The following VMA12 variants were observed in gnomAD, a reference collection of about 807,000 sequenced individuals.
The protein encoded by VMA12 is vacuolar ATPase assembly factor VMA12.
the VMA12 span, chr17:28,360,909 C>T: frequency 9.9e-6 from 14 of 1,420,980 alleles, no homozygotes; most frequent in Middle Eastern, 2.3e-4. Flanking sequence ...TAAGGGAGGA[C>T]GTATGTGAAA....
At chr17:28,360,367 C>T in the VMA12 span, 43 of 644,474 alleles carry the variant, frequency 6.7e-5, 1 homozygote, top group East Asian at 9.5e-4. Flanking sequence ...TCCGAAATGC[C>T]TGCTCTGTAG....
At chr17:28,361,713 A>C in the VMA12 span, 2 of 156,158 alleles carry the variant, frequency 1.3e-5, no homozygotes, top group African/African-American at 4.8e-5. Flanking sequence ...GAAAACAGAA[A>C]GGATCCCCTT....
the VMA12 span, chr17:28,361,043 C>T: frequency 0.023 from 24,796 of 1,072,860 alleles, 397 homozygotes; most frequent in Non-Finnish European, 0.029. Context: ...CTCTTTTCTT[C>T]CCCTCCCCCA....
chr17:28,358,683 A>T, the VMA12 span, among the ~76,000 whole-genome samples: 1 of 152,268 alleles, frequency 6.6e-6, no homozygotes, highest in South Asian at 2.1e-4. Flanking sequence ...CTTGTTAGTT[A>T]TAACACTGGC....
the VMA12 span, chr17:28,357,876 A>C: frequency 1.2e-6 from 2 of 1,613,866 alleles, no homozygotes; most frequent in Non-Finnish European, 1.7e-6. Flanking sequence ...CATCTGAGAG[A>C]AAGGGGTGAG....
chr17:28,358,884 A>G, the VMA12 span: 1 of 1,583,070 alleles, frequency 6.3e-7, no homozygotes, highest in Non-Finnish European at 8.6e-7. Flanking sequence ...CAGCTCGTGG[A>G]TCATTGTGTT....
chr17:28,359,626 C>G, the VMA12 span: 1 of 264,414 alleles, frequency 3.8e-6, no homozygotes, highest in Non-Finnish European at 6.2e-6. Flanking sequence ...TGGGAGTTAG[C>G]CGGGCACGGC....
the VMA12 span, chr17:28,360,440 T>G: frequency 8.8e-7 from 1 of 1,139,026 alleles, no homozygotes; most frequent in East Asian, 2.5e-5. Flanking sequence ...AGTTAATATG[T>G]TGGGGAATAG....
chr17:28,358,364 C>G, the VMA12 span: 1 of 470,886 alleles, frequency 2.1e-6, no homozygotes, highest in Non-Finnish European at 4.4e-6. Context: ...CATGTGAGTT[C>G]CAGTCCTAGC....
At chr17:28,357,684 T>G in the VMA12 span, 3 of 1,612,536 alleles carry the variant, frequency 1.9e-6, no homozygotes, top group South Asian at 3.3e-5. Flanking sequence ...GCGTCCTCTT[T>G]GCTTGCGGGC....
the VMA12 span, chr17:28,357,898 A>C: frequency 1.2e-6 from 2 of 1,613,144 alleles, no homozygotes; most frequent in African/African-American, 2.7e-5. Context: ...CCCAGTCTCC[A>C]GTCCGGGGTC....
chr17:28,360,911 T>A, the VMA12 span: 1 of 1,369,618 alleles, frequency 7.3e-7, no homozygotes. Flanking sequence ...AGGGAGGACG[T>A]ATGTGAAAGT....
At chr17:28,361,187 G>C in the VMA12 span, 1 of 1,614,156 alleles carries the variant, frequency 6.2e-7, no homozygotes. Flanking sequence ...CGTCGCCTCT[G>C]TGGTGGGTCT....
chr17:28,358,887 ATTGTGT>A, the VMA12 span: 67 of 1,589,532 alleles, frequency 4.2e-5, 1 homozygote, highest in East Asian at 4.0e-4. Flanking sequence ...CTCGTGGATC[ATTGTGT>A]TTGTGAAACC....
the VMA12 span, chr17:28,361,044 C>A: frequency 9.2e-7 from 1 of 1,083,738 alleles, no homozygotes; most frequent in Non-Finnish European, 1.4e-6. Context: ...TCTTTTCTTC[C>A]CCTCCCCCAA....
the VMA12 span, chr17:28,358,169 A>C: frequency 4.2e-6 from 2 of 472,448 alleles, no homozygotes; most frequent in Non-Finnish European, 7.8e-6. Context: ...AAATACAAAT[A>C]TCACAGGTTT....
chr17:28,358,746 C>T, the VMA12 span, among the ~76,000 whole-genome samples: 2 of 152,178 alleles, frequency 1.3e-5, no homozygotes, highest in African/African-American at 2.4e-5. Context: ...TGGGAGATAC[C>T]TACATGGAAT....
At chr17:28,361,005 A>C in the VMA12 span, 1 of 897,140 alleles carries the variant, frequency 1.1e-6, no homozygotes, top group East Asian at 2.5e-5. Context: ...ACGGGAGGTT[A>C]GGTAATAACC....
chr17:28,360,788 G>A, the VMA12 span: 7,173 of 1,614,058 alleles, frequency 4.4e-3, 273 homozygotes, highest in African/African-American at 0.083. Flanking sequence ...TGTCACGGTG[G>A]TTGCTGCCTT....
Sources: gnomAD v4.1 joint callset for allele counts (sites outside exome capture counted in the v4.1 genomes callset) on GRCh38, gnomAD v4.1.1 for gene constraint, MANE v1.5 for transcripts, NCBI Gene and HGNC (gene_info 2026-07-23, HGNC 2026-07-21) for gene names.